CSMD3: variants seen among roughly 807,000 people sequenced by gnomAD.
The protein encoded by CSMD3 is CUB and sushi domain-containing protein 3.
Under a neutral mutation model 435.2 loss-of-function variants are expected in CSMD3, and 177 were observed. The observed-to-expected ratio is 0.41, with a 90% confidence interval of 0.36 to 0.46. CSMD3 has a LOEUF of 0.46. CSMD3 is among the 20% of genes least tolerant of loss of function. The pLI is 0.34. For missense variants in CSMD3, 4,265 were observed against 4,504.6 expected (o/e 0.95, Z 1.52); for synonymous variants, 1,656 against 1,520.5 (o/e 1.09, Z -2.07).
At chr8:112,268,735 C>G (rs2130448567) in intron 59 of CSMD3, among the ~76,000 whole-genome samples, 1 of 152,290 alleles carries the variant, frequency 6.6e-6, no homozygotes, top group African/African-American at 2.4e-5. Context: ...TATGTATGTG[C>G]TCTGCCATAC....
chr8:112,907,339 G>A (rs1461753469), intron 10 of CSMD3, among the ~76,000 whole-genome samples: 1 of 151,520 alleles, frequency 6.6e-6, no homozygotes, highest in African/African-American at 2.4e-5. Flanking sequence ...TGTATATACT[G>A]CACTCTTCAG....
At chr8:112,679,148 A>G (rs1400550169) in intron 16 of CSMD3, among the ~76,000 whole-genome samples, 2 of 150,232 alleles carry the variant, frequency 1.3e-5, no homozygotes, top group Non-Finnish European at 3.0e-5. Context: ...AGTTAGTCTC[A>G]GGCTTTAATT....
At chr8:112,799,585 A>C (rs185554934) in intron 13 of CSMD3, among the ~76,000 whole-genome samples, 6 of 152,134 alleles carry the variant, frequency 3.9e-5, no homozygotes, top group Non-Finnish European at 7.4e-5. Context: ...TGTGGAAGAT[A>C]TCTATGACCT....
At chr8:112,906,827 C>T (rs1451770706) in intron 10 of CSMD3, among the ~76,000 whole-genome samples, 3 of 151,458 alleles carry the variant, frequency 2.0e-5, no homozygotes, top group African/African-American at 7.3e-5. Flanking sequence ...TTTAATCTTC[C>T]ATATTACAAC....
chr8:112,607,197 G>T (rs1479223451), intron 22 of CSMD3, among the ~76,000 whole-genome samples: 3 of 151,558 alleles, frequency 2.0e-5, no homozygotes, highest in Admixed American at 6.6e-5. Context: ...TATCATAAGA[G>T]ACTACCATCA....
chr8:112,722,676 A>G (rs1039245520), intron 13 of CSMD3, among the ~76,000 whole-genome samples: 1 of 152,194 alleles, frequency 6.6e-6, no homozygotes, highest in Non-Finnish European at 1.5e-5. Flanking sequence ...AAGAATATGC[A>G]AGTATACTTT....
intron 3 of CSMD3, among the ~76,000 whole-genome samples, chr8:113,184,068 T>C (rs938667322): frequency 6.6e-6 from 1 of 151,954 alleles, no homozygotes; most frequent in Non-Finnish European, 1.5e-5. Flanking sequence ...AATCTTCCAG[T>C]GGAGTTTTCA....
rs762173770 is a variant in CSMD3, at chr8:113,278,600, T to G, written c.506A>C (p.Tyr169Ser). Residue 169 changes from tyrosine (Y) to serine (S), a missense_variant, in exon 3 of 71, where the codon TAT (tyrosine) becomes TCT (serine). Tyr to Ser is a moderately radical substitution (Grantham distance 144, BLOSUM62 -2). Transcript: ENST00000297405. Reference protein sequence around the residue: ...FAVSAHGFKVYYEELQSSSCG... With the variant: ...FAVSAHGFKVSYEELQSSSCG... ...CCACTACCATCACTTACCTTCGTAATATACCTTAAATCCATGAGCACTAAC... is the reference window on the plus strand; with the variant it reads ...CCACTACCATCACTTACCTTCGTAAGATACCTTAAATCCATGAGCACTAAC... 6.6e-6 allele frequency: 10 copies of G among 1,508,374 alleles called. No individual in the cohort carries two copies. The highest frequency in any genetic ancestry group is 9.2e-6 in the Non-Finnish European group (10 of 1,084,166). The allele number at this position is 1,508,374 out of a possible 1,614,324, so 93.4% of individuals were successfully genotyped here.
At chr8:112,887,469 T>A (rs2081639618) in intron 10 of CSMD3, among the ~76,000 whole-genome samples, 1 of 151,624 alleles carries the variant, frequency 6.6e-6, no homozygotes, top group South Asian at 2.1e-4. Context: ...ATTATGTAAC[T>A]ACTTATATAC....
chr8:112,250,939 A>T (rs1815202057), intron 63 of CSMD3, among the ~76,000 whole-genome samples: 1 of 151,758 alleles, frequency 6.6e-6, no homozygotes, highest in African/African-American at 2.4e-5. Context: ...CCTATTTTAA[A>T]TGTTATATCT....
At chr8:112,278,626 C>G (rs1181734143) in intron 59 of CSMD3, among the ~76,000 whole-genome samples, 3 of 152,152 alleles carry the variant, frequency 2.0e-5, no homozygotes, top group African/African-American at 7.2e-5. Context: ...GGCTGGCACA[C>G]TGTGCAATAA....
chr8:113,350,298 A>G (rs1376544161), intron 1 of CSMD3, among the ~76,000 whole-genome samples: 3 of 152,120 alleles, frequency 2.0e-5, no homozygotes, highest in Non-Finnish European at 2.9e-5. Context: ...TGCATTAGAT[A>G]ACTGACATAT....
intron 33 of CSMD3, 65 bp downstream of exon 33, chr8:112,408,854 T>G (rs1162750237): frequency 6.2e-7 from 1 of 1,612,126 alleles, no homozygotes; most frequent in Non-Finnish European, 8.5e-7. Context: ...CAACTTTCAC[T>G]ACAATACTAA....
At chr8:112,950,808 A>G (rs1428311533) in intron 8 of CSMD3, among the ~76,000 whole-genome samples, 1 of 151,980 alleles carries the variant, frequency 6.6e-6, no homozygotes, top group African/African-American at 2.4e-5. Context: ...AGCTGTTCAG[A>G]AAGCTCGGCA....
intron 1 of CSMD3, among the ~76,000 whole-genome samples, chr8:113,398,156 TTCTTGTAG>T: frequency 6.6e-6 from 1 of 152,322 alleles, no homozygotes; most frequent in Admixed American, 6.5e-5. Context: ...TTTCTGTATT[TTCTTGTAG>T]TAATTTTATA....
intron 11 of CSMD3, among the ~76,000 whole-genome samples, chr8:112,840,034 A>T (rs2080135370): frequency 6.6e-6 from 1 of 151,676 alleles, no homozygotes; most frequent in African/African-American, 2.4e-5. Flanking sequence ...AATCTTTATC[A>T]GTTTATATCT....
At chr8:113,429,935 A>G (rs1474682221) in intron 1 of CSMD3, among the ~76,000 whole-genome samples, 1 of 152,212 alleles carries the variant, frequency 6.6e-6, no homozygotes, top group African/African-American at 2.4e-5. Context: ...GACAAGATGA[A>G]TGAACAAATT....
intron 22 of CSMD3, among the ~76,000 whole-genome samples, chr8:112,624,245 G>T (rs1586830458): frequency 6.6e-6 from 1 of 151,820 alleles, no homozygotes; most frequent in African/African-American, 2.4e-5. Flanking sequence ...TCCAAATTTG[G>T]CAATGACTTA....
chr8:112,538,949 AT>A (rs2131123312), intron 27 of CSMD3: 1 of 152,820 alleles, frequency 6.5e-6, no homozygotes, highest in South Asian at 2.1e-4. Flanking sequence ...AGTCCAACTC[AT>A]TATGAAAAGT....
Sources: allele counts gnomAD v4.1 joint callset (sites outside exome capture counted in the v4.1 genomes callset), GRCh38; gene constraint gnomAD v4.1.1; transcripts MANE v1.5; gene names NCBI Gene and HGNC (gene_info 2026-07-23, HGNC 2026-07-21).